NWD1: variants seen among roughly 807,000 people sequenced by gnomAD.
NWD1 encodes NACHT domain- and WD repeat-containing protein 1.
NWD1 carries 129 observed loss-of-function variants against 135.1 expected under a neutral mutation model. The ratio of observed to expected loss-of-function variants is 0.96; its 90% CI spans 0.83 to 1.11. The LOEUF (loss-of-function observed/expected upper bound fraction) is 1.11, where lower values mean the gene tolerates loss of function less well. Ranked by LOEUF, NWD1 falls within the 50% of genes least tolerant of loss-of-function variation. The pLI, the probability that NWD1 is intolerant of heterozygous loss-of-function variation, is 0.00. For missense variants in NWD1, 1,740 were observed against 1,851.3 expected (o/e 0.94, Z 1.10); for synonymous variants, 773 against 786.0 (o/e 0.98, Z 0.28).
chr19:16,728,943 CA>C (rs59881448), intron 2 of NWD1, among the ~76,000 whole-genome samples: 27,406 of 98,288 alleles, frequency 0.28, 2,933 homozygotes, highest in African/African-American at 0.33. Flanking sequence ...GACTCCATCT[CA>C]AAAAAAAAAA....
intron 10 of NWD1, among the ~76,000 whole-genome samples, chr19:16,771,610 T>G (rs773837): frequency 0.18 from 27,532 of 152,110 alleles, 5,869 homozygotes; most frequent in African/African-American, 0.52. Context: ...TGACTTCCCA[T>G]TTTAAGGAAG....
chr19:16,789,866 C>A (rs368908194), intron 13 of NWD1, among the ~76,000 whole-genome samples: 1 of 151,976 alleles, frequency 6.6e-6, no homozygotes, highest in African/African-American at 2.4e-5. Context: ...TACAGGCGCA[C>A]GCCACCACGC....
At chr19:16,731,895 C>T (rs1012443888) in intron 3 of NWD1, among the ~76,000 whole-genome samples, 6 of 152,008 alleles carry the variant, frequency 3.9e-5, no homozygotes, top group Non-Finnish European at 8.8e-5. Context: ...AGATCTGGCC[C>T]TGGAGATAAA....
At chr19:16,790,755 A>C (rs995334473) in intron 13 of NWD1, among the ~76,000 whole-genome samples, 24 of 152,152 alleles carry the variant, frequency 1.6e-4, no homozygotes, top group Admixed American at 5.2e-4. Flanking sequence ...TCTCAATAAT[A>C]ATTTTTGTAT....
chr19:16,744,350 C>T, intron 4 of NWD1, 71 bp from the exon 5 acceptor site: 1 of 1,389,372 alleles, frequency 7.2e-7, no homozygotes, highest in Non-Finnish European at 9.8e-7. Context: ...GCACTCCAGC[C>T]TGGGCGACAG....
intron 4 of NWD1, among the ~76,000 whole-genome samples, chr19:16,743,551 C>T (rs1258193530): frequency 3.3e-5 from 5 of 151,986 alleles, no homozygotes; most frequent in Admixed American, 6.6e-5. Flanking sequence ...CTGGTGGCTC[C>T]AGGCTATAAG....
At position 16,744,635 on chromosome 19, in the gene NWD1, C is replaced by A. The variant is rs935365792; in HGVS notation, c.413C>A (p.Thr138Asn). The change falls in exon 5 of 19, where the codon ACT becomes AAT. Residue 138 changes from threonine to asparagine, a missense_variant. Coordinates refer to ENST00000524140, the MANE Select transcript of NWD1 (RefSeq NM_001007525.5). ...TGTGAACCAGAGGAGGCCACCTTAA[C>A]TTCTGTCCTACGCTCTGGAGCCCAG... is the stretch of plus-strand genomic sequence containing the variant. Reference protein sequence around the residue: ...EACEPEEATLTSVLRSGAQEA... With the variant: ...EACEPEEATLNSVLRSGAQEA... 1.3e-6 allele frequency: 2 copies of A among 1,535,530 alleles called. No individual in the cohort carries two copies. The highest frequency in any genetic ancestry group is 1.2e-5 in the South Asian group (1 of 84,014).
Position 16,803,344 on chromosome 19 carries a change from C to G in NWD1, c.3736+3182C>G, listed in dbSNP as rs369146666. On this transcript the variant is annotated intron_variant, in intron 17 of 18. Coordinates refer to ENST00000524140, the MANE Select transcript of NWD1 (RefSeq NM_001007525.5). ...GCAACACCAACAGACTTAGACAGGC[C>G]CCAGCTCCTAATACCATCCTATGGG... is the stretch of plus-strand genomic sequence containing the variant. Among the ~76,000 whole-genome samples the G allele has an allele frequency of 8.5e-5, 13 of 152,116 alleles. No homozygotes were observed. The East Asian group carries it at 2.5e-3, about 29-fold the overall frequency.
At position 16,797,893 on chromosome 19, in the gene NWD1, G is replaced by C; in HGVS notation, c.3459+7G>C. The C allele has an allele frequency of 1.9e-6, 3 of 1,611,466 alleles. No homozygotes were observed. Among genetic ancestry groups the C allele is most frequent in the Non-Finnish European group, 2.5e-6 (3 of 1,178,428 alleles). On this transcript the variant is annotated splice_region_variant and intron_variant, in intron 16 of 18. Transcript: ENST00000524140. ...CCTTGATGCGCTCATTCAGGTGAGG[G>C]GAGATCTGGGACCCTTCATCCTCAC... is the stretch of plus-strand genomic sequence containing the variant.
At chr19:16,729,566 T>G (rs1215047209) in intron 2 of NWD1, among the ~76,000 whole-genome samples, 1 of 143,992 alleles carries the variant, frequency 6.9e-6, no homozygotes, top group Non-Finnish European at 1.5e-5. Context: ...AGGCCCCATC[T>G]TTACAAAAAG....
chr19:16,811,538 C>T (rs1267092536), intron 18 of NWD1, among the ~76,000 whole-genome samples: 4 of 142,194 alleles, frequency 2.8e-5, no homozygotes, highest in Admixed American at 7.4e-5. Context: ...GAGCCAAGAT[C>T]GTGATATTGC....
Position 16,807,904 on chromosome 19 carries a change from C to T in NWD1, c.4055C>T (p.Ser1352Phe). ...TFYTQLPETL[S>F]SVAILTDYRV... ...TACACTCAGCTGCCCGAGACCCTCTCCAGCGTGGCCATTCTGACGGACTAC... is the reference window on the plus strand; with the variant it reads ...TACACTCAGCTGCCCGAGACCCTCTTCAGCGTGGCCATTCTGACGGACTAC... The change falls in exon 18 of 19, where the codon TCC becomes TTC. Residue 1352 changes from serine (S) to phenylalanine (F), a missense_variant. Ser to Phe is a radical substitution (Grantham distance 155, BLOSUM62 -2). Transcript: ENST00000524140. 1 of 1,614,196 alleles carries T rather than the reference C, an allele frequency of 6.2e-7. No homozygotes were observed. The highest frequency in any genetic ancestry group is 1.1e-5 in the South Asian group (1 of 91,086).
intron 18 of NWD1, among the ~76,000 whole-genome samples, chr19:16,811,782 G>A (rs748568440): frequency 5.3e-5 from 8 of 152,052 alleles, no homozygotes; most frequent in Non-Finnish European, 8.8e-5. Flanking sequence ...CCTGTGGGGC[G>A]CTTCAAAGCC....
In NWD1 at chr19:16,762,097, A is replaced by G; in HGVS notation, c.2092A>G (p.Thr698Ala). ...TWSQGTKKLI[T>A]LPLVGKPLNL... Reference sequence around the variant, plus strand: ...GAGCCAGGGTACCAAGAAGCTCATCACTCTGCCACTTGTGGGGAAACCACT... The same window carrying G: ...GAGCCAGGGTACCAAGAAGCTCATCGCTCTGCCACTTGTGGGGAAACCACT... The change falls in exon 8 of 19, where the codon ACT becomes GCT. Residue 698 changes from threonine to alanine, a missense_variant. Coordinates refer to ENST00000524140, the MANE Select transcript of NWD1 (RefSeq NM_001007525.5). The G allele has an allele frequency of 6.2e-7, 1 of 1,613,958 alleles. No individual in the cohort carries two copies. Among genetic ancestry groups the G allele is most frequent in the South Asian group, 1.1e-5 (1 of 91,060 alleles).
chr19:16,723,223 G>C (rs1398941096), intron 1 of NWD1, among the ~76,000 whole-genome samples: 1 of 152,038 alleles, frequency 6.6e-6, no homozygotes, highest in African/African-American at 2.4e-5. Context: ...TGTTGAGATA[G>C]GGTCTCGCTC....
At chr19:16,734,975 C>T (rs548401189) in intron 3 of NWD1, among the ~76,000 whole-genome samples, 38 of 152,040 alleles carry the variant, frequency 2.5e-4, no homozygotes, top group Non-Finnish European at 4.6e-4. Flanking sequence ...CATTGCCCAA[C>T]CTGGTCTTGA....
rs762938287 is a variant in NWD1 at position 16,794,539 on chromosome 19, C to T, written c.3290C>T (p.Ser1097Phe). The change falls in exon 15 of 19, where the codon TCC becomes TTC. Residue 1097 changes from serine to phenylalanine, a missense_variant. Ser to Phe is a radical substitution (Grantham distance 155). Transcript: ENST00000524140. ...TTCCTGGTGGTCTCTGAAGATGAGT[C>T]CCTCCTCGCCGCAGGTAGCGTTTAG... ...VRFLVVSEDE[S>F]LLAAGFGRSV... 1 of 1,605,696 alleles carries T rather than the reference C, an allele frequency of 6.2e-7. No homozygotes were observed. The highest frequency in any genetic ancestry group is 8.5e-7 in the Non-Finnish European group (1 of 1,174,634).
intron 8 of NWD1, among the ~76,000 whole-genome samples, chr19:16,763,001 C>G (rs1265310140): frequency 6.6e-6 from 1 of 152,070 alleles, no homozygotes; most frequent in Non-Finnish European, 1.5e-5. Context: ...CCAGGCTGGT[C>G]TCGAACTCCT....
chr19:16,748,851 A>C (rs1244271409), intron 5 of NWD1, among the ~76,000 whole-genome samples: 1 of 151,826 alleles, frequency 6.6e-6, no homozygotes. Context: ...GAAGAAGAAT[A>C]AGAGTAATGG....
Sources: gnomAD v4.1 joint callset for allele counts (sites outside exome capture counted in the v4.1 genomes callset) on GRCh38, gnomAD v4.1.1 for gene constraint, MANE v1.5 for transcripts, NCBI Gene and HGNC (gene_info 2026-07-23, HGNC 2026-07-21) for gene names.